LRRTM4: variants seen among roughly 807,000 people sequenced by gnomAD.
The protein encoded by LRRTM4 is leucine rich repeat transmembrane neuronal 4.
Under a neutral mutation model 47.6 loss-of-function variants are expected in LRRTM4, and 25 were observed. That is an observed-to-expected ratio of 0.53 (90% confidence interval 0.38 to 0.73). The LOEUF is 0.73. Ranked by LOEUF, LRRTM4 falls within the 30% of genes least tolerant of loss-of-function variation. The pLI, the probability that LRRTM4 is intolerant of heterozygous loss-of-function variation, is 0.00. For missense variants in LRRTM4, 638 were observed against 713.4 expected (o/e 0.89, Z 1.20); for synonymous variants, 311 against 269.5 (o/e 1.15, Z -1.51).
At position 76,818,240 on chromosome 2, in the gene LRRTM4, C is replaced by T. The variant is rs78993246; in HGVS notation, c.1552-69324G>A. The stretch of plus-strand genomic sequence containing the variant: ...GTTTAATCTAAATGTTTTCTTTATA[C>T]GTATTCTGAAAACATGGTGTTTTAT... On this transcript the variant is annotated intron_variant, in intron 3 of 3. Coordinates refer to ENST00000409884, the MANE Select transcript of LRRTM4 (RefSeq NM_001134745.3). Among the ~76,000 whole-genome samples, 283 of 151,796 alleles carry T rather than the reference C, an allele frequency of 1.9e-3. 1 individual carries two copies. The highest frequency in any genetic ancestry group is 5.8e-3 in the African/African-American group (239 of 41,448).
chr2:77,026,832 A>G (rs2104122007), intron 3 of LRRTM4, among the ~76,000 whole-genome samples: 1 of 152,276 alleles, frequency 6.6e-6, no homozygotes, highest in Admixed American at 6.5e-5. Context: ...ATTCAAAAGA[A>G]GACTGCAATA....
chr2:77,477,118 G>T (rs185387365), intron 3 of LRRTM4, among the ~76,000 whole-genome samples: 1 of 152,126 alleles, frequency 6.6e-6, no homozygotes, highest in East Asian at 1.9e-4. Flanking sequence ...ACAAGAGAGA[G>T]ATAGGAAGAC....
At chr2:77,083,585 ATAGTCAAGTACTGTAGC>A (rs1166722615) in intron 3 of LRRTM4, among the ~76,000 whole-genome samples, 2 of 152,080 alleles carry the variant, frequency 1.3e-5, no homozygotes, top group African/African-American at 4.8e-5. Flanking sequence ...TGAATATTAG[ATAGTCAAGTACTGTAGC>A]TAGTCCTGGA....
chr2:77,419,161 G>A (rs1174305274), intron 3 of LRRTM4, among the ~76,000 whole-genome samples: 1 of 152,080 alleles, frequency 6.6e-6, no homozygotes, highest in Non-Finnish European at 1.5e-5. Context: ...TGCCCTGTCA[G>A]TGGATTTATC....
chr2:77,095,448 A>T (rs1381767346), intron 3 of LRRTM4, among the ~76,000 whole-genome samples: 3 of 151,804 alleles, frequency 2.0e-5, no homozygotes, highest in Non-Finnish European at 4.4e-5. Context: ...AGATATCTGC[A>T]CTCCCATGTT....
chr2:77,422,857 C>T (rs919236960), intron 3 of LRRTM4, among the ~76,000 whole-genome samples: 126 of 152,044 alleles, frequency 8.3e-4, no homozygotes, highest in African/African-American at 2.9e-3. Context: ...ACAGCATTCT[C>T]TTTATTGTAT....
At chr2:76,748,980 T>G in intron 3 of LRRTM4, 64 bp from the exon 4 acceptor site, 1 of 1,326,404 alleles carries the variant, frequency 7.5e-7, no homozygotes, top group Non-Finnish European at 1.1e-6. Flanking sequence ...AGGACAGCAC[T>G]CATCAGGTTG....
At chr2:76,869,922 C>A (rs1178838986) in intron 3 of LRRTM4, among the ~76,000 whole-genome samples, 1 of 151,986 alleles carries the variant, frequency 6.6e-6, no homozygotes, top group Non-Finnish European at 1.5e-5. Flanking sequence ...TTGAAATATG[C>A]CCTTCTGTGT....
At chr2:76,908,296 T>C (rs550144279) in intron 3 of LRRTM4, among the ~76,000 whole-genome samples, 55 of 152,238 alleles carry the variant, frequency 3.6e-4, no homozygotes, top group Non-Finnish European at 6.8e-4. Context: ...TTTAACAACC[T>C]TCATGCTAAA....
At chr2:77,446,739 C>T (rs976848773) in intron 3 of LRRTM4, among the ~76,000 whole-genome samples, 10 of 152,002 alleles carry the variant, frequency 6.6e-5, no homozygotes, top group Non-Finnish European at 1.0e-4. Flanking sequence ...AATCATGATG[C>T]GCTTCCCAAG....
intron 3 of LRRTM4, among the ~76,000 whole-genome samples, chr2:76,801,666 A>C (rs185411659): frequency 9.7e-4 from 145 of 150,148 alleles, no homozygotes; most frequent in Non-Finnish European, 1.2e-4. Flanking sequence ...AAGTATAATA[A>C]AAAAAAAAGA....
chr2:77,114,784 T>C (rs1671342902), intron 3 of LRRTM4, among the ~76,000 whole-genome samples: 1 of 151,980 alleles, frequency 6.6e-6, no homozygotes, highest in Admixed American at 6.6e-5. Context: ...TTATTAGGGA[T>C]TTTAAAAGGG....
intron 3 of LRRTM4, among the ~76,000 whole-genome samples, chr2:76,865,102 C>T (rs1282795355): frequency 6.6e-6 from 1 of 152,034 alleles, no homozygotes; most frequent in East Asian, 1.9e-4. Flanking sequence ...GGTTGGTTGT[C>T]TGATAGCACA....
chr2:77,030,353 G>C (rs1678610774), intron 3 of LRRTM4, among the ~76,000 whole-genome samples: 2 of 152,164 alleles, frequency 1.3e-5, no homozygotes, highest in African/African-American at 4.8e-5. Context: ...AGAATCGCTT[G>C]AACTGGGAGG....
intron 3 of LRRTM4, among the ~76,000 whole-genome samples, chr2:77,051,690 A>T (rs1679438142): frequency 6.6e-6 from 1 of 152,212 alleles, no homozygotes; most frequent in Non-Finnish European, 1.5e-5. Flanking sequence ...GTCCCTAGAC[A>T]TCTGTAAAAC....
intron 3 of LRRTM4, among the ~76,000 whole-genome samples, chr2:76,990,836 CA>C (rs1416891379): frequency 6.6e-6 from 1 of 151,548 alleles, no homozygotes; most frequent in African/African-American, 2.4e-5. Flanking sequence ...CCATCAATCA[CA>C]AAATATACAT....
intron 3 of LRRTM4, among the ~76,000 whole-genome samples, chr2:77,164,263 A>G (rs1458920310): frequency 6.6e-6 from 1 of 152,218 alleles, no homozygotes; most frequent in Non-Finnish European, 1.5e-5. Context: ...AGAGCTAACT[A>G]TCCTAAACAA....
At chr2:77,104,617 A>C (rs1671043274) in intron 3 of LRRTM4, among the ~76,000 whole-genome samples, 1 of 152,208 alleles carries the variant, frequency 6.6e-6, no homozygotes, top group Non-Finnish European at 1.5e-5. Context: ...CAGACAGATA[A>C]GCATTTGTGC....
At chr2:76,831,559 T>C (rs1047088205) in intron 3 of LRRTM4, among the ~76,000 whole-genome samples, 2 of 152,138 alleles carry the variant, frequency 1.3e-5, no homozygotes, top group Non-Finnish European at 2.9e-5. Context: ...ACCATCAGCC[T>C]ATAAAAAGAT....
Sources: gnomAD v4.1 joint callset for allele counts (sites outside exome capture counted in the v4.1 genomes callset) on GRCh38, gnomAD v4.1.1 for gene constraint, MANE v1.5 for transcripts, NCBI Gene and HGNC (gene_info 2026-07-23, HGNC 2026-07-21) for gene names.